COL28A1: variants seen among roughly 807,000 people sequenced by gnomAD.
COL28A1 encodes the protein collagen alpha-1(XXVIII) chain.
A neutral mutation model predicts 150.2 loss-of-function variants in COL28A1; 161 were observed. That is an observed-to-expected ratio of 1.07 (90% CI 0.94 to 1.22). The LOEUF (loss-of-function observed/expected upper bound fraction) is 1.22. COL28A1 is among the 50% of genes most tolerant of loss of function. The pLI is 0.00. For missense variants in COL28A1, 1,617 were observed against 1,388.3 expected (o/e 1.16, Z -2.62); for synonymous variants, 552 against 469.7 (o/e 1.18, Z -2.26).
At chr7:7,508,748 C>T (rs1451103234) in intron 9 of COL28A1, among the ~76,000 whole-genome samples, 2 of 152,046 alleles carry the variant, frequency 1.3e-5, no homozygotes, top group Admixed American at 6.5e-5. Context: ...TCACTGCAGC[C>T]TCTATCTCCC....
At chr7:7,459,509 T>C in intron 15 of COL28A1, among the ~76,000 whole-genome samples, 1 of 152,358 alleles carries the variant, frequency 6.6e-6, no homozygotes, top group Non-Finnish European at 1.5e-5. Flanking sequence ...ATATACAATA[T>C]AATTATCTGC....
At chr7:7,412,379 C>A (rs1390661051) in intron 27 of COL28A1, among the ~76,000 whole-genome samples, 2 of 152,092 alleles carry the variant, frequency 1.3e-5, no homozygotes, top group Non-Finnish European at 2.9e-5. Context: ...TATGTTTGAA[C>A]CATTATACAT....
At position 7,406,814 on chromosome 7, in the gene COL28A1, A is replaced by G. The variant is rs568054650; in HGVS notation, c.2136+11045T>C. ...AAGTGAGATGCAAGATAAAGTCAAC[A>G]AGGTGGACAGCATCCAGATTACAAC... is the stretch of plus-strand genomic sequence containing the variant. On this transcript the variant is annotated intron_variant, in intron 27 of 34. Coordinates refer to ENST00000399429, the MANE Select transcript of COL28A1 (RefSeq NM_001037763.3). 3.9e-5 allele frequency among the ~76,000 whole-genome samples: 6 copies of G among 152,278 alleles called. No homozygotes were observed. In the East Asian group the frequency reaches 1.2e-3, roughly 29 times the overall value.
intron 6 of COL28A1, among the ~76,000 whole-genome samples, chr7:7,518,948 T>C (rs897394846): frequency 5.9e-5 from 9 of 152,202 alleles, no homozygotes; most frequent in South Asian, 4.1e-4. Context: ...AAAATTGTGT[T>C]CAGAAATTAA....
chr7:7,458,096 G>A (rs1787315622), intron 15 of COL28A1, among the ~76,000 whole-genome samples: 2 of 152,274 alleles, frequency 1.3e-5, no homozygotes, highest in Admixed American at 6.5e-5. Flanking sequence ...CAATGTTTGA[G>A]CTAAATAAAT....
chr7:7,486,410 T>C (rs1040098877), intron 13 of COL28A1, among the ~76,000 whole-genome samples: 3 of 152,186 alleles, frequency 2.0e-5, no homozygotes, highest in African/African-American at 4.8e-5. Flanking sequence ...TATTTATTGT[T>C]TTTATACCAA....
Position 7,373,964 on chromosome 7 carries a change from G to T in COL28A1, c.2360-418C>A. Among the ~76,000 whole-genome samples the T allele has an allele frequency of 6.7e-6, 1 of 148,168 alleles. No homozygotes were observed. The highest frequency in any genetic ancestry group is 1.5e-5 in the Non-Finnish European group (1 of 67,492). ...TATGCCCGCCTCGGCCTCCCAAAGT[G>T]CTGGGATTACAGGCGTGAGCCACCG... On this transcript the variant is annotated intron_variant, in intron 31 of 34. Transcript: ENST00000399429. The surrounding 1 kb of genome is among the most constrained non-coding windows in gnomAD (Gnocchi z 4.1).
At chr7:7,476,117 G>A (rs1434216369) in intron 14 of COL28A1, among the ~76,000 whole-genome samples, 8 of 152,150 alleles carry the variant, frequency 5.3e-5, no homozygotes, top group African/African-American at 1.4e-4. Context: ...CCATATCTTA[G>A]TCACCTGATG....
intron 9 of COL28A1, among the ~76,000 whole-genome samples, chr7:7,509,655 T>C (rs1269156173): frequency 6.6e-6 from 1 of 152,192 alleles, no homozygotes; most frequent in African/African-American, 2.4e-5. Context: ...GTTGTTGTTA[T>C]TCCTTTTTGG....
intron 3 of COL28A1, among the ~76,000 whole-genome samples, chr7:7,529,787 C>T (rs1198302363): frequency 1.3e-5 from 2 of 152,344 alleles, no homozygotes; most frequent in South Asian, 2.1e-4. Flanking sequence ...AGGATTCTCT[C>T]CCACACGGGC....
At chr7:7,491,019 G>A (rs1779886767) in intron 11 of COL28A1, among the ~76,000 whole-genome samples, 1 of 152,204 alleles carries the variant, frequency 6.6e-6, no homozygotes, top group African/African-American at 2.4e-5. Flanking sequence ...AAAGTCAAGT[G>A]TTTTCAGGAT....
At chr7:7,367,063 T>C (rs1321347781) in intron 33 of COL28A1, among the ~76,000 whole-genome samples, 1 of 152,224 alleles carries the variant, frequency 6.6e-6, no homozygotes, top group Non-Finnish European at 1.5e-5. Context: ...CATCCGATTA[T>C]AATACTGTAT....
chr7:7,441,847 G>A (rs1785817830), intron 20 of COL28A1, among the ~76,000 whole-genome samples: 1 of 152,168 alleles, frequency 6.6e-6, no homozygotes, highest in African/African-American at 2.4e-5. Flanking sequence ...AGAATCCACA[G>A]AGGTTTCCAT....
intron 3 of COL28A1, among the ~76,000 whole-genome samples, chr7:7,530,388 G>A (rs772951135): frequency 4.6e-5 from 7 of 152,172 alleles, no homozygotes; most frequent in African/African-American, 1.2e-4. Flanking sequence ...GAAAAAGATC[G>A]AGGGATAAGA....
chr7:7,349,501 T>G, the COL28A1 span, among the ~76,000 whole-genome samples: 1 of 152,158 alleles, frequency 6.6e-6, no homozygotes, highest in Non-Finnish European at 1.5e-5. Context: ...GTTTTCTTTC[T>G]GTGAAATTCC....
At chr7:7,456,575 G>C (rs148318115) in intron 15 of COL28A1, among the ~76,000 whole-genome samples, 295 of 152,300 alleles carry the variant, frequency 1.9e-3, no homozygotes, top group African/African-American at 6.4e-3. Context: ...ATGATCTCAA[G>C]TGAATGCAGC....
intron 18 of COL28A1, among the ~76,000 whole-genome samples, chr7:7,445,862 C>CT (rs1441174666): frequency 1.1e-4 from 16 of 145,046 alleles, no homozygotes; most frequent in African/African-American, 3.9e-4. Flanking sequence ...AAACTTAATG[C>CT]CTTTTTTTTT....
At chr7:7,412,331 C>A (rs1367164638) in intron 27 of COL28A1, among the ~76,000 whole-genome samples, 2 of 152,124 alleles carry the variant, frequency 1.3e-5, no homozygotes, top group African/African-American at 2.4e-5. Context: ...CAACCAGGAA[C>A]ACACACATTG....
chr7:7,520,081 C>T lies in COL28A1; in HGVS notation c.794G>A (p.Arg265Gln), dbSNP rs1425089710. Reference sequence around the variant, plus strand: ...ATTTACCGGGTTTCCTTTTGGTCCTCGCTCACCTTTGATACCTGGATTTCC... The same window carrying T: ...ATTTACCGGGTTTCCTTTTGGTCCTTGCTCACCTTTGATACCTGGATTTCC... ...THGNPGIKGE[R>Q]GPKGNPGNAQ... Residue 265 changes from arginine (R) to glutamine (Q), a missense_variant, in exon 6 of 35, where the codon CGA becomes CAA. Coordinates refer to ENST00000399429, the MANE Select transcript of COL28A1 (RefSeq NM_001037763.3). 12 of 1,443,700 alleles carry T rather than the reference C, an allele frequency of 8.3e-6. No individual in the cohort carries two copies. The highest frequency in any genetic ancestry group is 5.0e-5 in the Admixed American group (3 of 59,612). 89.4% of individuals were successfully genotyped at this position (1,443,700 alleles called of 1,614,324 possible).
Sources: allele counts gnomAD v4.1 joint callset (sites outside exome capture counted in the v4.1 genomes callset), GRCh38; gene constraint gnomAD v4.1.1; non-coding constraint Gnocchi (gnomAD v3.1); transcripts MANE v1.5; gene names NCBI Gene and HGNC (gene_info 2026-07-23, HGNC 2026-07-21).